RSU1: variants seen among roughly 807,000 people sequenced by gnomAD.
The protein encoded by RSU1 is rsu-1.
In RSU1, 26 loss-of-function variants were observed where a neutral mutation model predicts 31.1. The observed-to-expected ratio is 0.84, with a 90% CI of 0.61 to 1.16. The LOEUF (loss-of-function observed/expected upper bound fraction) is 1.16. Among genes scored for constraint, RSU1 ranks in the 50% most tolerant of loss-of-function variants. RSU1 has a pLI of 0.00. For missense variants in RSU1, 320 were observed against 339.1 expected, an observed-to-expected ratio of 0.94 and a Z score of 0.44; for synonymous variants, 164 against 136.3, an observed-to-expected ratio of 1.20 and a Z score of -1.41.
chr10:16,641,634 GA>G (rs1256960216), intron 8 of RSU1, among the ~76,000 whole-genome samples: 1 of 152,188 alleles, frequency 6.6e-6, no homozygotes, highest in Non-Finnish European at 1.5e-5. Context: ...CTGGCTCTCT[GA>G]AACTCTCAGG....
intron 8 of RSU1, among the ~76,000 whole-genome samples, chr10:16,662,704 G>A (rs1834909884): frequency 1.3e-5 from 2 of 152,086 alleles, no homozygotes; most frequent in South Asian, 4.1e-4. Flanking sequence ...TTGTTTAAAC[G>A]AAAGGAACTT....
intron 8 of RSU1, among the ~76,000 whole-genome samples, chr10:16,654,399 G>C (rs1166363972): frequency 6.6e-6 from 1 of 150,560 alleles, no homozygotes; most frequent in Non-Finnish European, 1.5e-5. Flanking sequence ...GCCAGGTGTG[G>C]TGGCTCATGC....
At position 16,791,363 on chromosome 10, in the gene RSU1, G is replaced by A. The variant is rs375755704; in HGVS notation, c.110-9279C>T. Among the ~76,000 whole-genome samples the A allele has an allele frequency of 2.6e-5, 4 of 152,270 alleles. No homozygotes were observed. In the South Asian group the frequency reaches 8.3e-4, roughly 32 times the overall value. On this transcript the variant is annotated intron_variant, in intron 2 of 8. Transcript: ENST00000345264. The stretch of plus-strand genomic sequence containing the variant: ...AAAATAAAAAAACTGGGCAGGTGTG[G>A]TGGCTCATGCCTGTAATCCCAGCAC...
intron 3 of RSU1, among the ~76,000 whole-genome samples, chr10:16,774,193 T>C (rs1837482691): frequency 1.3e-5 from 2 of 152,128 alleles, no homozygotes; most frequent in African/African-American, 2.4e-5. Flanking sequence ...TAACAAAATG[T>C]AAATTTAAGC....
chr10:16,685,962 A>T (rs1310755285), intron 8 of RSU1, among the ~76,000 whole-genome samples: 1 of 152,244 alleles, frequency 6.6e-6, no homozygotes, highest in Non-Finnish European at 1.5e-5. Context: ...TATTTCCTTA[A>T]TGCTTGATGA....
At position 16,737,856 on chromosome 10, in the gene RSU1, A is replaced by C. The variant is rs918231295; in HGVS notation, c.598+14683T>G. ...GGGCACATAAAACTTTTAAGTGTGC[A>C]TGTAAAATTCACCAACTAGAGAATA... On this transcript the variant is annotated intron_variant, in intron 7 of 8. Coordinates refer to ENST00000345264, the MANE Select transcript of RSU1 (RefSeq NM_012425.4). 2.6e-5 allele frequency among the ~76,000 whole-genome samples: 4 copies of C among 152,246 alleles called. No individual in the cohort carries two copies. In the East Asian group the frequency reaches 7.7e-4, roughly 29 times the overall value.
intron 8 of RSU1, among the ~76,000 whole-genome samples, chr10:16,618,527 G>A (rs749812102): frequency 5.3e-5 from 8 of 152,148 alleles, no homozygotes; most frequent in Non-Finnish European, 7.3e-5. Context: ...ACATGCACAC[G>A]TATATTTACT....
intron 8 of RSU1, among the ~76,000 whole-genome samples, chr10:16,630,257 T>C (rs1370518819): frequency 1.3e-5 from 2 of 152,176 alleles, no homozygotes; most frequent in Admixed American, 1.3e-4. Flanking sequence ...GCTTGGAATA[T>C]TGCCTGTATC....
chr10:16,626,443 G>A (rs1055378800), intron 8 of RSU1, among the ~76,000 whole-genome samples: 3 of 152,116 alleles, frequency 2.0e-5, no homozygotes, highest in Non-Finnish European at 2.9e-5. Context: ...TGGGATTATG[G>A]GAATGCGCCA....
intron 8 of RSU1, among the ~76,000 whole-genome samples, chr10:16,599,571 C>T (rs1833681596): frequency 6.6e-6 from 1 of 152,226 alleles, no homozygotes; most frequent in African/African-American, 2.4e-5. Flanking sequence ...CCTCCCTCAC[C>T]TCCCACAGTC....
intron 7 of RSU1, among the ~76,000 whole-genome samples, chr10:16,720,979 CCTAT>C (rs1168736436): frequency 1.3e-5 from 2 of 151,938 alleles, no homozygotes; most frequent in Non-Finnish European, 2.9e-5. Flanking sequence ...TGAACAAGAC[CCTAT>C]CTCACATAAA....
chr10:16,612,074 A>G (rs1307791860), intron 8 of RSU1, among the ~76,000 whole-genome samples: 3 of 152,202 alleles, frequency 2.0e-5, no homozygotes, highest in Non-Finnish European at 4.4e-5. Context: ...CAGAGTGCTC[A>G]GCAGGTATCA....
chr10:16,689,645 A>G (rs1209200912), intron 8 of RSU1, among the ~76,000 whole-genome samples: 1 of 152,232 alleles, frequency 6.6e-6, no homozygotes, highest in Non-Finnish European at 1.5e-5. Flanking sequence ...AATAAAGAGG[A>G]ATTCTCAGCT....
chr10:16,664,441 T>C (rs1436370866), intron 8 of RSU1, among the ~76,000 whole-genome samples: 1 of 152,234 alleles, frequency 6.6e-6, no homozygotes, highest in Admixed American at 6.5e-5. Flanking sequence ...AAGTGTTACA[T>C]ACTGCCTAAA....
At chr10:16,660,015 C>T (rs1834859558) in intron 8 of RSU1, among the ~76,000 whole-genome samples, 1 of 152,176 alleles carries the variant, frequency 6.6e-6, no homozygotes, top group Non-Finnish European at 1.5e-5. Flanking sequence ...AGCAGAGGCC[C>T]TGACAGCATC....
intron 7 of RSU1, among the ~76,000 whole-genome samples, chr10:16,730,758 A>T (rs1044605569): frequency 6.6e-6 from 1 of 152,166 alleles, no homozygotes; most frequent in Non-Finnish European, 1.5e-5. Context: ...TTAACCAATA[A>T]TTTTTTCATT....
At chr10:16,731,468 T>A (rs1836510809) in intron 7 of RSU1, among the ~76,000 whole-genome samples, 1 of 152,006 alleles carries the variant, frequency 6.6e-6, no homozygotes, top group South Asian at 2.1e-4. Context: ...GAAACATATT[T>A]ATACTAACCT....
In RSU1 at chr10:16,695,160, G is replaced by GA. The variant is rs767958370; in HGVS notation, c.599-6_599-5insT. ...GGCCAGTTAAATCCAAGTTTCCTGGGGGGGGGGAAAAAAAAAGTGAAGGTC... is the reference window on the plus strand; with the variant it reads ...GGCCAGTTAAATCCAAGTTTCCTGGGAGGGGGGGAAAAAAAAAGTGAAGGTC... On this transcript the variant is annotated splice_polypyrimidine_tract_variant and splice_region_variant and intron_variant, in intron 7 of 8. Coordinates refer to ENST00000345264, the MANE Select transcript of RSU1 (RefSeq NM_012425.4). 1.2e-5 allele frequency: 17 copies of GA among 1,476,270 alleles called. No individual in the cohort carries two copies. Among genetic ancestry groups the GA allele is most frequent in the Admixed American group, 4.2e-5 (2 of 47,844 alleles). 91.4% of individuals were successfully genotyped at this position (1,476,270 alleles called of 1,614,324 possible). A position where few individuals can be genotyped will look rare whatever the true frequency, so the allele number is the denominator to read the frequency against.
chr10:16,625,865 T>C (rs1439474221), intron 8 of RSU1, among the ~76,000 whole-genome samples: 1 of 152,040 alleles, frequency 6.6e-6, no homozygotes, highest in East Asian at 1.9e-4. Context: ...CATAGGCTGG[T>C]TGACTGGGGA....
Sources: allele counts gnomAD v4.1 joint callset (sites outside exome capture counted in the v4.1 genomes callset), GRCh38; gene constraint gnomAD v4.1.1; transcripts MANE v1.5; gene names NCBI Gene and HGNC (gene_info 2026-07-23, HGNC 2026-07-21).